PARP8: variants seen among roughly 807,000 people sequenced by gnomAD.
PARP8 encodes the protein protein mono-ADP-ribosyltransferase PARP8.
Under a neutral mutation model 124.1 loss-of-function variants are expected in PARP8, and 51 were observed. The ratio of observed to expected loss-of-function variants is 0.41; its 90% CI spans 0.33 to 0.52. The LOEUF is 0.52. Among genes scored for constraint, PARP8 ranks in the 20% least tolerant of loss-of-function variants. The pLI is 0.21. For synonymous variants in PARP8, 391 were observed against 361.5 expected, an observed-to-expected ratio of 1.08 and a Z score of -0.93; for missense variants, 860 against 1,018.9, an observed-to-expected ratio of 0.84 and a Z score of 2.12.
intron 12 of PARP8, 98 bp downstream of exon 12, chr5:50,795,515 T>C: frequency 1.0e-6 from 1 of 956,828 alleles, no homozygotes; most frequent in Non-Finnish European, 1.5e-6. Context: ...GAAGCAAAAC[T>C]TTGTTTTAAT....
In PARP8 at chr5:50,754,116, C is replaced by CATATATATATATATATAT. The variant is rs373375463; in HGVS notation, c.184+3946_184+3963dup. On this transcript the variant is annotated intron_variant, in intron 3 of 25. Transcript: ENST00000281631. The stretch of plus-strand genomic sequence containing the variant: ...GAAGGAATTTGAGTTTGAAAACATT[C>CATATATATATATATATAT]ATATATATATATATATATATATATA... Among the ~76,000 whole-genome samples, 98 of 64,584 alleles carry CATATATATATATATATAT rather than the reference C, an allele frequency of 1.5e-3. 1 individual carries two copies. Among genetic ancestry groups the CATATATATATATATATAT allele is most frequent in the Admixed American group, 2.9e-3 (19 of 6,564 alleles). The allele number at this position is 64,584 out of a possible 152,430, so 42.4% of individuals were successfully genotyped here.
At chr5:50,777,929 T>A in intron 7 of PARP8, 140 bp from the exon 8 acceptor site, 1 of 662,184 alleles carries the variant, frequency 1.5e-6, no homozygotes, top group South Asian at 1.9e-5. Context: ...AGTTATTTCA[T>A]ATCCACAGTT....
chr5:50,686,243 C>T (rs1445470066), intron 2 of PARP8, among the ~76,000 whole-genome samples: 1 of 152,222 alleles, frequency 6.6e-6, no homozygotes. Flanking sequence ...AGAGGGGCTA[C>T]AGGCCCCCTG....
intron 14 of PARP8, among the ~76,000 whole-genome samples, chr5:50,814,007 G>A (rs1744797896): frequency 6.6e-6 from 1 of 152,080 alleles, no homozygotes; most frequent in Non-Finnish European, 1.5e-5. Context: ...TAAAAACAAA[G>A]TGCCCTTTGT....
chr5:50,782,211 A>G (rs1331931591), intron 9 of PARP8, among the ~76,000 whole-genome samples: 1 of 152,124 alleles, frequency 6.6e-6, no homozygotes, highest in African/African-American at 2.4e-5. Flanking sequence ...AGGGCCCCTT[A>G]AGATTGATTC....
intron 1 of PARP8, chr5:50,667,793 G>A: frequency 3.3e-6 from 3 of 917,062 alleles, no homozygotes; most frequent in Non-Finnish European, 5.1e-6. Flanking sequence ...TCGCTACCGC[G>A]AGCCCGGCTG....
intron 18 of PARP8, among the ~76,000 whole-genome samples, chr5:50,825,615 T>C (rs1746257148): frequency 6.6e-6 from 1 of 152,176 alleles, no homozygotes; most frequent in Admixed American, 6.5e-5. Context: ...CCTCTCTTGT[T>C]TCTCATTTGC....
chr5:50,816,527 G>T (rs571610695), intron 15 of PARP8, among the ~76,000 whole-genome samples: 1 of 152,074 alleles, frequency 6.6e-6, no homozygotes, highest in Non-Finnish European at 1.5e-5. Flanking sequence ...CCTTGGCCTA[G>T]TCATTTTAAT....
rs149379750 is a variant in PARP8, at chr5:50,846,145, G to C, written c.*4077G>C. ...TTAATGTTCTAAAAATAATATCTTCGATCTGCCCAATATTTAATGTATCAT... is the reference window on the plus strand; with the variant it reads ...TTAATGTTCTAAAAATAATATCTTCCATCTGCCCAATATTTAATGTATCAT... On this transcript the variant is annotated 3_prime_UTR_variant, in exon 26 of 26. Transcript: ENST00000281631. 1.3e-5 allele frequency: 2 copies of C among 151,500 alleles called. No individual in the cohort carries two copies. Among genetic ancestry groups the C allele is most frequent in the Non-Finnish European group, 3.0e-5 (2 of 67,742 alleles). The allele number at this position is 151,500 out of a possible 1,614,324, so 9.4% of individuals were successfully genotyped here. A position where few individuals can be genotyped will look rare whatever the true frequency, so the allele number is the denominator to read the frequency against.
chr5:50,824,831 T>C, intron 17 of PARP8, 77 bp from the exon 18 acceptor site: 2 of 1,176,872 alleles, frequency 1.7e-6, no homozygotes, highest in Non-Finnish European at 2.5e-6. Flanking sequence ...GCATATCGTT[T>C]GGTCTGATTT....
intron 18 of PARP8, among the ~76,000 whole-genome samples, 194 bp downstream of exon 18, chr5:50,825,169 C>T (rs1746206958): frequency 6.6e-6 from 1 of 152,098 alleles, no homozygotes; most frequent in South Asian, 2.1e-4. Context: ...AAAACTTATA[C>T]ATCACAAGGG....
intron 2 of PARP8, among the ~76,000 whole-genome samples, chr5:50,722,791 C>T (rs2149506175): frequency 6.6e-6 from 1 of 152,172 alleles, no homozygotes; most frequent in South Asian, 2.1e-4. Flanking sequence ...CCAGCTCTCT[C>T]CTAACCCTGT....
intron 6 of PARP8, among the ~76,000 whole-genome samples, chr5:50,762,409 C>T (rs6861566): frequency 0.015 from 2,236 of 151,922 alleles, 56 homozygotes; most frequent in African/African-American, 0.052. Flanking sequence ...AATAGCCTAG[C>T]CACATATATA....
intron 2 of PARP8, among the ~76,000 whole-genome samples, chr5:50,729,601 TTTTG>T (rs1307245159): frequency 6.6e-6 from 1 of 152,158 alleles, no homozygotes; most frequent in African/African-American, 2.4e-5. Context: ...TGGGAATAAA[TTTTG>T]TTTTTCTTGC....
At chr5:50,741,415 A>G (rs1217140274) in intron 2 of PARP8, among the ~76,000 whole-genome samples, 1 of 152,102 alleles carries the variant, frequency 6.6e-6, no homozygotes, top group Non-Finnish European at 1.5e-5. Flanking sequence ...TAAAAAAACC[A>G]TTTTCTCACT....
chr5:50,794,554 T>G (rs60778811), intron 11 of PARP8, among the ~76,000 whole-genome samples: 16,036 of 152,268 alleles, frequency 0.11, 867 homozygotes, highest in South Asian at 0.16. Flanking sequence ...AAAATTACAT[T>G]CTTTGCTTTC....
At chr5:50,739,111 T>C (rs921411587) in intron 2 of PARP8, 2 of 702,076 alleles carry the variant, frequency 2.8e-6, no homozygotes, top group African/African-American at 3.5e-5. Flanking sequence ...TCCCAAGCTC[T>C]ACTCTGAATG....
chr5:50,724,282 C>G (rs1467542116), intron 2 of PARP8, among the ~76,000 whole-genome samples: 1 of 152,064 alleles, frequency 6.6e-6, no homozygotes, highest in East Asian at 1.9e-4. Flanking sequence ...AAAATTGATT[C>G]TTTACTTTTA....
chr5:50,681,023 A>G (rs1490399996), intron 2 of PARP8, among the ~76,000 whole-genome samples: 1 of 152,182 alleles, frequency 6.6e-6, no homozygotes, highest in African/African-American at 2.4e-5. Flanking sequence ...GATAGACTTT[A>G]GTTATCTTAA....
Sources: allele counts gnomAD v4.1 joint callset (sites outside exome capture counted in the v4.1 genomes callset), GRCh38; gene constraint gnomAD v4.1.1; transcripts MANE v1.5; gene names NCBI Gene and HGNC (gene_info 2026-07-23, HGNC 2026-07-21).